SLC25A21: variants seen among roughly 807,000 people sequenced by gnomAD.
The protein encoded by SLC25A21 is solute carrier family 25 member 21, also known as mitochondrial 2-oxodicarboxylate carrier.
SLC25A21 carries 47 observed loss-of-function variants against 43.8 expected under a neutral mutation model. The observed-to-expected ratio is 1.07, with a 90% confidence interval of 0.85 to 1.37. SLC25A21 has a LOEUF of 1.37. Among genes scored for constraint, SLC25A21 ranks in the 40% most tolerant of loss-of-function variants. The pLI, the probability that SLC25A21 is intolerant of heterozygous loss-of-function variation, is 0.00. For missense variants in SLC25A21, 352 were observed against 350.2 expected (o/e 1.00, Z -0.04); for synonymous variants, 131 against 121.3 (o/e 1.08, Z -0.52).
chr14:37,149,055 G>A (rs1026255656), intron 1 of SLC25A21, among the ~76,000 whole-genome samples: 3 of 152,134 alleles, frequency 2.0e-5, no homozygotes, highest in Non-Finnish European at 1.5e-5. Context: ...ACAGGCGTGA[G>A]CTATCTGTGC....
chr14:37,092,823 A>G (rs1045616521), intron 1 of SLC25A21, among the ~76,000 whole-genome samples: 5 of 151,988 alleles, frequency 3.3e-5, no homozygotes, highest in African/African-American at 7.3e-5. Context: ...TCATTGTTTA[A>G]GGCAACATGG....
At chr14:37,135,966 T>C (rs1002097149) in intron 1 of SLC25A21, among the ~76,000 whole-genome samples, 1 of 152,240 alleles carries the variant, frequency 6.6e-6, no homozygotes, top group Admixed American at 6.5e-5. Context: ...TTATCACTTA[T>C]ATAGTGATAG....
At chr14:37,132,372 C>T (rs1178706805) in intron 1 of SLC25A21, among the ~76,000 whole-genome samples, 1 of 152,102 alleles carries the variant, frequency 6.6e-6, no homozygotes. Context: ...CTGTCTTAAC[C>T]ACTATACTCA....
At chr14:36,732,237 T>C in intron 4 of SLC25A21, among the ~76,000 whole-genome samples, 1 of 151,980 alleles carries the variant, frequency 6.6e-6, no homozygotes, top group East Asian at 1.9e-4. Context: ...CTAGTATGTG[T>C]AGATACTATG....
chr14:37,088,821 A>G (rs80236854), intron 1 of SLC25A21, among the ~76,000 whole-genome samples: 1 of 152,194 alleles, frequency 6.6e-6, no homozygotes, highest in African/African-American at 2.4e-5. Flanking sequence ...CCCACCCGAC[A>G]GTAAGGCTTG....
chr14:36,739,676 A>C (rs1240763248), intron 3 of SLC25A21, among the ~76,000 whole-genome samples: 3 of 113,840 alleles, frequency 2.6e-5, no homozygotes, highest in African/African-American at 7.8e-5. Context: ...GACTCTGTCT[A>C]AAAAAAAAGA....
At chr14:36,779,769 A>G (rs964395454) in intron 3 of SLC25A21, among the ~76,000 whole-genome samples, 3 of 151,324 alleles carry the variant, frequency 2.0e-5, no homozygotes, top group African/African-American at 7.3e-5. Context: ...GGAAGTACAG[A>G]TATCTCTTTG....
chr14:36,740,918 T>C (rs1335338818), intron 3 of SLC25A21, among the ~76,000 whole-genome samples: 2 of 152,178 alleles, frequency 1.3e-5, no homozygotes, highest in Non-Finnish European at 2.9e-5. Context: ...TTAAACATTG[T>C]GTACCTGATA....
intron 1 of SLC25A21, among the ~76,000 whole-genome samples, chr14:37,128,294 C>T (rs1963330934): frequency 6.6e-6 from 1 of 152,140 alleles, no homozygotes; most frequent in African/African-American, 2.4e-5. Context: ...CCTGCCAACA[C>T]ATTGATTTTG....
chr14:36,679,050 T>C lies in SLC25A21; in HGVS notation c.*1608A>G, dbSNP rs144585547. 1,063 of 985,528 alleles carry C rather than the reference T, an allele frequency of 1.1e-3. 8 individuals carry two copies. The African/African-American group carries it at 0.018, about 16-fold the overall frequency. 61.0% of individuals were successfully genotyped at this position (985,528 alleles called of 1,614,324 possible). A position where few individuals can be genotyped will look rare whatever the true frequency, so the allele number is the denominator to read the frequency against. ...AATGCACTCTTCAGAAATCCTTTTC[T>C]ATCTGATCCACATGGAGAGGTTAAA... On this transcript the variant is annotated 3_prime_UTR_variant, in exon 10 of 10. Transcript: ENST00000331299.
intron 2 of SLC25A21, among the ~76,000 whole-genome samples, chr14:36,851,689 T>C (rs922984804): frequency 1.3e-5 from 2 of 152,300 alleles, no homozygotes; most frequent in Admixed American, 6.5e-5. Flanking sequence ...GCATAATGTC[T>C]GGGTATTCAA....
At chr14:36,719,688 G>C (rs973971550) in intron 6 of SLC25A21, among the ~76,000 whole-genome samples, 9 of 152,174 alleles carry the variant, frequency 5.9e-5, no homozygotes, top group African/African-American at 1.9e-4. Context: ...GGCAAGACAA[G>C]CACACCTATT....
At chr14:36,706,506 T>C (rs1883573968) in intron 7 of SLC25A21, among the ~76,000 whole-genome samples, 1 of 152,044 alleles carries the variant, frequency 6.6e-6, no homozygotes, top group Non-Finnish European at 1.5e-5. Flanking sequence ...AGGACCCACA[T>C]CCAACCCACG....
intron 1 of SLC25A21, among the ~76,000 whole-genome samples, chr14:36,915,827 A>G (rs1052734818): frequency 5.3e-5 from 8 of 152,146 alleles, no homozygotes; most frequent in African/African-American, 1.9e-4. Flanking sequence ...TCTGCCTGGT[A>G]ACGTTGAAAA....
chr14:36,958,196 T>C (rs947739471), intron 1 of SLC25A21, among the ~76,000 whole-genome samples: 4 of 151,870 alleles, frequency 2.6e-5, no homozygotes, highest in Admixed American at 6.6e-5. Context: ...GCCTCCATCA[T>C]CCCATAATGC....
chr14:36,788,703 G>T (rs1166650501), intron 3 of SLC25A21: 1 of 151,808 alleles, frequency 6.6e-6, no homozygotes, highest in Non-Finnish European at 1.5e-5. Flanking sequence ...GGTTCTGGTG[G>T]AAATCTTTGG....
intron 1 of SLC25A21, among the ~76,000 whole-genome samples, chr14:37,089,134 A>T (rs1279916451): frequency 6.6e-6 from 1 of 152,048 alleles, no homozygotes; most frequent in African/African-American, 2.4e-5. Context: ...AATTTATACC[A>T]TCTCTTCCTG....
chr14:36,861,946 G>T (rs1190445837), intron 2 of SLC25A21, among the ~76,000 whole-genome samples: 1 of 152,036 alleles, frequency 6.6e-6, no homozygotes, highest in Non-Finnish European at 1.5e-5. Flanking sequence ...AAAAGTGCAC[G>T]AAGGACATGA....
intron 1 of SLC25A21, among the ~76,000 whole-genome samples, chr14:37,103,265 A>T (rs2138866982): frequency 6.6e-6 from 1 of 152,312 alleles, no homozygotes; most frequent in South Asian, 2.1e-4. Flanking sequence ...AGGATAAAAG[A>T]TTTAGAGGGA....
Sources: gnomAD v4.1 joint callset for allele counts (sites outside exome capture counted in the v4.1 genomes callset) on GRCh38, gnomAD v4.1.1 for gene constraint, MANE v1.5 for transcripts, NCBI Gene and HGNC (gene_info 2026-07-23, HGNC 2026-07-21) for gene names.